The following POSTN variants were observed in gnomAD, a reference collection of about 807,000 sequenced individuals.
POSTN encodes osteoblast specific factor 2 (fasciclin I-like).
POSTN carries 71 observed loss-of-function variants against 104.5 expected under a neutral mutation model. The ratio of observed to expected loss-of-function variants is 0.68; its 90% CI spans 0.56 to 0.83. The LOEUF (loss-of-function observed/expected upper bound fraction) is 0.83. Among genes scored for constraint, POSTN ranks in the 40% least tolerant of loss-of-function variants. The pLI is 0.00. For synonymous variants in POSTN, 355 were observed against 340.7 expected (o/e 1.04, Z -0.46); for missense variants, 949 against 1,006.8 (o/e 0.94, Z 0.78).
intron 2 of POSTN, among the ~76,000 whole-genome samples, chr13:37,595,029 C>A (rs1951045945): frequency 6.9e-6 from 1 of 145,930 alleles, no homozygotes. Flanking sequence ...AAAAAAAAAG[C>A]CAGGCTTCAA....
rs1421096735 is a variant in POSTN, at chr13:37,590,423, T to C, written c.390A>G (p.Gly130=). ...TACTCGGTGCAAAGTAAGTGAAGGATCCCTTTCCCTCGATCTCCTCCCTCA... is the reference window on the plus strand; with the variant it reads ...TACTCGGTGCAAAGTAAGTGAAGGACCCCTTTCCCTCGATCTCCTCCCTCA... ...SKLREEIEGK[G]SFTYFAPSNE... is the part of the protein sequence containing the mutation. Residue 130 remains glycine, a synonymous_variant, in exon 4 of 23, where the codon GGA becomes GGG. Coordinates refer to ENST00000379747, the MANE Select transcript of POSTN (RefSeq NM_006475.3). 3 of 1,610,440 alleles carry C rather than the reference T, an allele frequency of 1.9e-6. No homozygotes were observed. Among genetic ancestry groups the C allele is most frequent in the South Asian group, 1.1e-5 (1 of 90,342 alleles).
In POSTN at chr13:37,590,393, C is replaced by G. The variant is rs1239389939; in HGVS notation, c.420G>C (p.Glu140Asp). ...TTACAGAATCCAAGTTGTCCCAAGC[C>G]TCATTACTCGGTGCAAAGTAAGTGA... Reference protein sequence around the residue: ...GSFTYFAPSNEAWDNLDSDIR... With the variant: ...GSFTYFAPSNDAWDNLDSDIR... Residue 140 changes from glutamate to aspartate, a missense_variant, in exon 4 of 23, where the codon GAG (glutamate) becomes GAC (aspartate). Transcript: ENST00000379747. 4 of 1,589,332 alleles carry G rather than the reference C, an allele frequency of 2.5e-6. No individual in the cohort carries two copies. The highest frequency in any genetic ancestry group is 3.4e-6 in the Non-Finnish European group (4 of 1,166,608).
Position 37,579,308 on chromosome 13 carries a change from A to G in POSTN, c.1712T>C (p.Val571Ala). Reference sequence around the variant, plus strand: ...AGGTTCAAATCCTTTTCCAATGAAAACTCCTGGTGTCAGGTGATAAAGAAT... The same window carrying G: ...AGGTTCAAATCCTTTTCCAATGAAAGCTCCTGGTGTCAGGTGATAAAGAAT... The part of the protein sequence containing the change: ...NIILYHLTPG[V>A]FIGKGFEPGV... Residue 571 changes from valine to alanine, a missense_variant, in exon 13 of 23, where the codon GTT (valine) becomes GCT (alanine). Transcript: ENST00000379747. 6.3e-7 allele frequency: 1 copy of G among 1,599,918 alleles called. No homozygotes were observed. Among genetic ancestry groups the G allele is most frequent in the South Asian group, 1.1e-5 (1 of 90,776 alleles).
chr13:37,580,643 C>T lies in POSTN; in HGVS notation c.1447G>A (p.Gly483Ser), dbSNP rs767315975. The T allele has an allele frequency of 3.1e-6, 5 of 1,614,024 alleles. No individual in the cohort carries two copies. The highest frequency in any genetic ancestry group is 2.2e-5 in the South Asian group (2 of 91,078). The change falls in exon 11 of 23, where the codon GGT becomes AGT. Residue 483 changes from glycine (G) to serine (S), a missense_variant. By Grantham distance (56) the Gly-to-Ser change is moderately conservative. Coordinates refer to ENST00000379747, the MANE Select transcript of POSTN (RefSeq NM_006475.3). Reference sequence around the variant, plus strand: ...ATCTCGCGGAATATGTGAATCGCACCGTTTCTCCCTTGCTTACTCCCTTTC... The same window carrying T: ...ATCTCGCGGAATATGTGAATCGCACTGTTTCTCCCTTGCTTACTCCCTTTC... ...MEKGSKQGRN[G>S]AIHIFREIIK...
At chr13:37,583,038 A>C (rs1950642175) in intron 9 of POSTN, among the ~76,000 whole-genome samples, 1 of 152,190 alleles carries the variant, frequency 6.6e-6, no homozygotes, top group South Asian at 2.1e-4. Context: ...TTATATCACA[A>C]TTTAGCATTT....
intron 16 of POSTN, among the ~76,000 whole-genome samples, chr13:37,576,674 C>T (rs1237738463): frequency 6.6e-6 from 1 of 151,954 alleles, no homozygotes; most frequent in Non-Finnish European, 1.5e-5. Context: ...ATGAATAGAG[C>T]CCATAAGGAT....
Position 37,587,892 on chromosome 13 carries a change from A to T in POSTN, c.536T>A (p.Leu179Ter), listed in dbSNP as rs1950795771. 1 of 1,602,032 alleles carries T rather than the reference A, an allele frequency of 6.2e-7. No homozygotes were observed. The highest frequency in any genetic ancestry group is 8.5e-7 in the Non-Finnish European group (1 of 1,169,680). ...TGAAGGAATAATCATGCCATTTTTT[A>T]AGTCCTTGGTCAACATTCTCTTATT... ...MINKRMLTKDLKNGMIIPSMY... is the reference protein window; with the variant it reads ...MINKRMLTKD Residue 179 changes from leucine (L) to a stop codon, truncating the protein, a stop_gained, in exon 5 of 23, where the codon TTA becomes TAA. Transcript: ENST00000379747. LOFTEE classifies it high-confidence loss of function.
At chr13:37,595,275 CAA>C (rs948573880) in intron 2 of POSTN, among the ~76,000 whole-genome samples, 7 of 152,104 alleles carry the variant, frequency 4.6e-5, no homozygotes, top group African/African-American at 1.4e-4. Context: ...ATATAAATAA[CAA>C]AGAGGAAAAC....
At chr13:37,563,462 C>G in intron 22 of POSTN, 92 bp from the exon 23 acceptor site, 1 of 672,022 alleles carries the variant, frequency 1.5e-6, no homozygotes, top group Non-Finnish European at 2.2e-6. Context: ...CTATCAGAGG[C>G]CATTATTTTT....
chr13:37,563,507 T>G, intron 22 of POSTN, 137 bp from the exon 23 acceptor site: 1 of 402,452 alleles, frequency 2.5e-6, no homozygotes, highest in Non-Finnish European at 4.4e-6. Context: ...TCTTAATATC[T>G]TCAACTTATG....
intron 15 of POSTN, among the ~76,000 whole-genome samples, chr13:37,578,281 A>AT: frequency 6.6e-6 from 1 of 152,264 alleles, no homozygotes; most frequent in South Asian, 2.1e-4. Context: ...TTAAATACAT[A>AT]TTTTTCATAA....
chr13:37,570,445 C>A, intron 19 of POSTN, 135 bp downstream of exon 19: 1 of 590,428 alleles, frequency 1.7e-6, no homozygotes, highest in Non-Finnish European at 3.0e-6. Context: ...AATATTATAT[C>A]TGCCAAAATA....
chr13:37,567,250 A>AAAAAAAAAAAAAAT, intron 21 of POSTN, among the ~76,000 whole-genome samples: 1 of 145,330 alleles, frequency 6.9e-6, no homozygotes, highest in South Asian at 2.2e-4. Context: ...AAAAAAAAAA[A>AAAAAAAAAAAAAAT]AAATGTACTA....
intron 10 of POSTN, among the ~76,000 whole-genome samples, chr13:37,582,027 G>A (rs1950604187): frequency 6.6e-6 from 1 of 152,104 alleles, no homozygotes; most frequent in South Asian, 2.1e-4. Flanking sequence ...TGGTGTGTAG[G>A]CAGAGAACAG....
intron 3 of POSTN, 33 bp from the exon 4 acceptor site, chr13:37,590,562 G>T (rs945957533): frequency 1.3e-5 from 20 of 1,525,440 alleles, no homozygotes; most frequent in Non-Finnish European, 1.8e-5. Context: ...CAGTACTGGG[G>T]ATAATATTCT....
rs749398904 is a variant in POSTN, at chr13:37,563,300, T to C, written c.*33A>G. ...CTAAGGTCAGGTTATTGACTTAGGGTTGTATAAACATTTTTTTCTGGTTTT... is the reference window on the plus strand; with the variant it reads ...CTAAGGTCAGGTTATTGACTTAGGGCTGTATAAACATTTTTTTCTGGTTTT... On this transcript the variant is annotated 3_prime_UTR_variant, in exon 23 of 23. Coordinates refer to ENST00000379747, the MANE Select transcript of POSTN (RefSeq NM_006475.3). 5 of 1,518,760 alleles carry C rather than the reference T, an allele frequency of 3.3e-6. No homozygotes were observed. The highest frequency in any genetic ancestry group is 4.5e-6 in the Non-Finnish European group (5 of 1,102,530). The allele number at this position is 1,518,760 out of a possible 1,614,324, so 94.1% of individuals were successfully genotyped here. A position where few individuals can be genotyped will look rare whatever the true frequency, so the allele number is the denominator to read the frequency against.
chr13:37,591,540 T>C (rs1367470180), intron 3 of POSTN, among the ~76,000 whole-genome samples: 2 of 152,122 alleles, frequency 1.3e-5, no homozygotes, highest in African/African-American at 4.8e-5. Context: ...GGCTTCAAAG[T>C]CTGTGTCATA....
intron 1 of POSTN, 115 bp downstream of exon 1, chr13:37,598,493 A>T: frequency 1.1e-6 from 1 of 897,858 alleles, no homozygotes; most frequent in Non-Finnish European, 1.7e-6. Context: ...CTATTACTTT[A>T]TAATAATTAG....
chr13:37,593,823 A>G (rs1193915339), intron 2 of POSTN, among the ~76,000 whole-genome samples: 4 of 151,632 alleles, frequency 2.6e-5, no homozygotes, highest in African/African-American at 4.8e-5. Context: ...AAGTAAATAA[A>G]TGTTTTCAAA....
Sources: gnomAD v4.1 joint callset for allele counts (sites outside exome capture counted in the v4.1 genomes callset) on GRCh38, gnomAD v4.1.1 for gene constraint, MANE v1.5 for transcripts, NCBI Gene and HGNC (gene_info 2026-07-23, HGNC 2026-07-21) for gene names.